SLCO1A2: variants seen among roughly 807,000 people sequenced by gnomAD.
SLCO1A2 encodes OATP-1.
Under a neutral mutation model 69.0 loss-of-function variants are expected in SLCO1A2, and 67 were observed. The ratio of observed to expected loss-of-function variants is 0.97; its 90% CI spans 0.80 to 1.19. The LOEUF (loss-of-function observed/expected upper bound fraction) is 1.19, where lower values mean the gene tolerates loss of function less well. Ranked by LOEUF, SLCO1A2 falls within the 50% of genes most tolerant of loss-of-function variation. The probability of loss-of-function intolerance (pLI) is 0.00; values close to 1 mark genes in which losing one functional copy is unlikely to be tolerated. For synonymous variants in SLCO1A2, 260 were observed against 265.9 expected (o/e 0.98, Z 0.22); for missense variants, 787 against 793.7 (o/e 0.99, Z 0.10).
At chr12:21,351,462 T>C (rs1937949520) in intron 2 of SLCO1A2, among the ~76,000 whole-genome samples, 2 of 152,146 alleles carry the variant, frequency 1.3e-5, no homozygotes, top group Non-Finnish European at 2.9e-5. Flanking sequence ...AGATGCCTTA[T>C]AATACTTATA....
chr12:21,299,466 A>T (rs1490078355), intron 8 of SLCO1A2, among the ~76,000 whole-genome samples: 1 of 151,812 alleles, frequency 6.6e-6, no homozygotes, highest in Non-Finnish European at 1.5e-5. Context: ...GATCATTTTT[A>T]AATTTTTTTA....
Position 21,287,776 on chromosome 12 carries a change from C to T in SLCO1A2, c.1610+4388G>A, listed in dbSNP as rs1373698859. Among the ~76,000 whole-genome samples, 3 of 113,326 alleles carry T rather than the reference C, an allele frequency of 2.6e-5. No homozygotes were observed. The East Asian group carries it at 7.4e-4, about 28-fold the overall frequency. 74.3% of individuals were successfully genotyped at this position (113,326 alleles called of 152,430 possible). A position where few individuals can be genotyped will look rare whatever the true frequency, so the allele number is the denominator to read the frequency against. ...TATCGCAAGAACAAAAAACCAAACA[C>T]CGCATATTCTCACTCATAGGTGGGA... On this transcript the variant is annotated intron_variant, in intron 12 of 14. Coordinates refer to ENST00000683939, the MANE Select transcript of SLCO1A2 (RefSeq NM_001386879.1).
chr12:21,396,939 C>G (rs558659621), upstream of SLCO1A2, among the ~76,000 whole-genome samples: 3 of 151,550 alleles, frequency 2.0e-5, no homozygotes, highest in Admixed American at 2.0e-4. Flanking sequence ...TAAAGACCAT[C>G]GAGACTAGGA....
chr12:21,399,635 G>A (rs1941616416), upstream of SLCO1A2, among the ~76,000 whole-genome samples: 2 of 75,056 alleles, frequency 2.7e-5, no homozygotes, highest in African/African-American at 5.0e-5. Context: ...ATACTACAAG[G>A]CTACAGTAAC....
intron 1 of SLCO1A2, among the ~76,000 whole-genome samples, chr12:21,407,367 T>G (rs1184000136): frequency 1.3e-5 from 2 of 152,156 alleles, no homozygotes; most frequent in African/African-American, 4.8e-5. Context: ...AGGAACAAGA[T>G]GCAGTTGGAG....
intron 1 of SLCO1A2, among the ~76,000 whole-genome samples, chr12:21,416,044 G>A (rs1051763593): frequency 6.6e-6 from 1 of 151,686 alleles, no homozygotes; most frequent in Non-Finnish European, 1.5e-5. Context: ...TGTTCTTTTG[G>A]TGTTTTATTG....
At chr12:21,389,834 A>T (rs1041045799) in intron 1 of SLCO1A2, among the ~76,000 whole-genome samples, 2 of 151,450 alleles carry the variant, frequency 1.3e-5, no homozygotes, top group Non-Finnish European at 3.0e-5. Context: ...ATGAGTAGGA[A>T]AAATAAACTA....
chr12:21,344,380 T>C (rs1477659165), intron 2 of SLCO1A2, among the ~76,000 whole-genome samples: 7 of 152,222 alleles, frequency 4.6e-5, no homozygotes, highest in African/African-American at 1.7e-4. Context: ...CTGACTCACT[T>C]TCCATAGTGT....
At chr12:21,375,894 G>T (rs538285606) in intron 1 of SLCO1A2, among the ~76,000 whole-genome samples, 1 of 147,540 alleles carries the variant, frequency 6.8e-6, no homozygotes, top group African/African-American at 2.5e-5. Flanking sequence ...TACCTGTCCA[G>T]GTAGTCAATG....
chr12:21,314,795 T>C, intron 3 of SLCO1A2, 114 bp from the exon 4 acceptor site: 1 of 788,724 alleles, frequency 1.3e-6, no homozygotes, highest in South Asian at 1.8e-5. Flanking sequence ...TCTTAAATAC[T>C]TGGATTTGTG....
chr12:21,356,618 C>A (rs1938388406), intron 2 of SLCO1A2, among the ~76,000 whole-genome samples: 1 of 152,016 alleles, frequency 6.6e-6, no homozygotes, highest in African/African-American at 2.4e-5. Flanking sequence ...TTTAAATATA[C>A]TAAAGGGAAC....
chr12:21,335,793 C>G (rs367905103), upstream of SLCO1A2, among the ~76,000 whole-genome samples: 19 of 152,262 alleles, frequency 1.2e-4, no homozygotes, highest in South Asian at 3.7e-3. Context: ...TTAACACATT[C>G]TCTCACAGAT....
intron 1 of SLCO1A2, among the ~76,000 whole-genome samples, chr12:21,393,438 T>C (rs1941259786): frequency 2.0e-5 from 3 of 152,208 alleles, no homozygotes; most frequent in Admixed American, 6.5e-5. Context: ...TTTTCAATTG[T>C]GAAAGAAATT....
chr12:21,323,184 T>G (rs1160985790), intron 2 of SLCO1A2, among the ~76,000 whole-genome samples: 1 of 152,240 alleles, frequency 6.6e-6, no homozygotes, highest in Non-Finnish European at 1.5e-5. Flanking sequence ...TGCATTGAGC[T>G]ACTATAATCT....
chr12:21,280,167 A>C (rs372499939), intron 12 of SLCO1A2, among the ~76,000 whole-genome samples: 12 of 152,256 alleles, frequency 7.9e-5, no homozygotes, highest in African/African-American at 2.9e-4. Context: ...CTTCACTGAA[A>C]GGAAGAAAAA....
chr12:21,334,795 C>T, intron 1 of SLCO1A2, 32 bp downstream of exon 1: 1 of 618,284 alleles, frequency 1.6e-6, no homozygotes, highest in Non-Finnish European at 2.8e-6. Flanking sequence ...AAATGAACAA[C>T]ATAATTGAAA....
chr12:21,349,598 T>A (rs768964157), intron 2 of SLCO1A2, among the ~76,000 whole-genome samples: 5 of 152,118 alleles, frequency 3.3e-5, no homozygotes, highest in Non-Finnish European at 5.9e-5. Flanking sequence ...CAAAATGAAG[T>A]CCTCAATCTT....
chr12:21,271,308 T>C (rs1319878646), intron 14 of SLCO1A2, among the ~76,000 whole-genome samples: 2 of 151,868 alleles, frequency 1.3e-5, no homozygotes, highest in Non-Finnish European at 2.9e-5. Context: ...TTTTGAGACA[T>C]AGAGCCTGTG....
intron 2 of SLCO1A2, among the ~76,000 whole-genome samples, chr12:21,370,115 TCAGA>T (rs1565519640): frequency 6.6e-6 from 1 of 152,180 alleles, no homozygotes; most frequent in African/African-American, 2.4e-5. Flanking sequence ...ATATCCTGGA[TCAGA>T]CAGATAAGAA....
Sources: allele counts gnomAD v4.1 joint callset (sites outside exome capture counted in the v4.1 genomes callset), GRCh38; gene constraint gnomAD v4.1.1; transcripts MANE v1.5; gene names NCBI Gene and HGNC (gene_info 2026-07-23, HGNC 2026-07-21).